The following PREP variants were observed in gnomAD, a reference collection of about 807,000 sequenced individuals.
The protein encoded by PREP is dJ355L5.1 (prolyl endopeptidase).
In PREP, 29 loss-of-function variants were observed where a neutral mutation model predicts 87.6. That is an observed-to-expected ratio of 0.33 (90% CI 0.25 to 0.45). PREP has a LOEUF of 0.45. PREP is among the 20% of genes least tolerant of loss of function. The pLI is 1.00. For synonymous variants in PREP, 337 were observed against 328.6 expected, an observed-to-expected ratio of 1.03 and a Z score of -0.28; for missense variants, 695 against 886.5, an observed-to-expected ratio of 0.78 and a Z score of 2.74.
intron 7 of PREP, among the ~76,000 whole-genome samples, chr6:105,338,324 A>G (rs1033986430): frequency 1.3e-5 from 2 of 152,260 alleles, no homozygotes; most frequent in Non-Finnish European, 2.9e-5. Flanking sequence ...AGTATGCACC[A>G]AAGGCAAAGC....
chr6:105,388,804 T>G (rs544969006), intron 2 of PREP, among the ~76,000 whole-genome samples: 3 of 152,288 alleles, frequency 2.0e-5, no homozygotes, highest in African/African-American at 7.2e-5. Context: ...TCCAGGCCCA[T>G]ATATGGGACA....
chr6:105,375,503 T>C (rs1041662882), intron 4 of PREP, among the ~76,000 whole-genome samples: 37 of 152,208 alleles, frequency 2.4e-4, no homozygotes, highest in Non-Finnish European at 3.4e-4. Flanking sequence ...CTCTATGGCC[T>C]ACGGAGGAGG....
intron 10 of PREP, among the ~76,000 whole-genome samples, chr6:105,304,380 A>G (rs148663515): frequency 6.6e-6 from 1 of 152,312 alleles, no homozygotes; most frequent in East Asian, 1.9e-4. Context: ...CCCACTTTTC[A>G]GCTGGGGTCA....
chr6:105,345,024 A>G (rs1771760497), intron 7 of PREP, among the ~76,000 whole-genome samples: 2 of 152,230 alleles, frequency 1.3e-5, no homozygotes. Flanking sequence ...AAAATAGTCC[A>G]AAGTATAGGC....
chr6:105,390,528 T>A (rs1384225500), intron 2 of PREP, among the ~76,000 whole-genome samples: 3 of 152,204 alleles, frequency 2.0e-5, no homozygotes, highest in Admixed American at 2.0e-4. Context: ...CCAGGACAGT[T>A]CTGTGAAAGC....
At chr6:105,397,233 C>G (rs1194537975) in intron 2 of PREP, among the ~76,000 whole-genome samples, 1 of 150,502 alleles carries the variant, frequency 6.6e-6, no homozygotes, top group Non-Finnish European at 1.5e-5. Context: ...CTAGGCACTC[C>G]AAAAAGGGAA....
rs141737006 is a variant in PREP at position 105,323,714 on chromosome 6, C to T, written c.1268G>A (p.Arg423Gln). 16 of 1,613,786 alleles carry T rather than the reference C, an allele frequency of 9.9e-6. No individual in the cohort carries two copies. The highest frequency in any genetic ancestry group is 8.3e-5 in the Admixed American group (5 of 60,020). Residue 423 changes from arginine to glutamine, a missense_variant, in exon 10 of 15, where the codon CGA (arginine) becomes CAA (glutamine). Coordinates refer to ENST00000652536, the MANE Select transcript of PREP (RefSeq NM_002726.5). ...ATCAATTCCTTTTACGGTCACCTCT[C>T]GGAAAACTCTTGGCTCCAGCTCCTC... The part of the protein sequence containing the change: ...TKEELEPRVF[R>Q]EVTVKGIDAS...
At chr6:105,330,829 T>C (rs2114655699) in intron 8 of PREP, among the ~76,000 whole-genome samples, 1 of 152,336 alleles carries the variant, frequency 6.6e-6, no homozygotes, top group African/African-American at 2.4e-5. Context: ...GAGATTAGTA[T>C]GGCAAACTTT....
chr6:105,376,570 T>C (rs553897495), intron 3 of PREP, among the ~76,000 whole-genome samples: 31 of 152,346 alleles, frequency 2.0e-4, no homozygotes, highest in African/African-American at 7.2e-4. Flanking sequence ...CTTTTTCTTT[T>C]AAATGAAGAA....
At position 105,358,387 on chromosome 6, in the gene PREP, A is replaced by G. The variant is rs549665707; in HGVS notation, c.718-5310T>C. Reference sequence around the variant, plus strand: ...CAAAGTCACCTGTTGAATTATATTTAGAGTACTGATTAAATATAATTAGAA... The same window carrying G: ...CAAAGTCACCTGTTGAATTATATTTGGAGTACTGATTAAATATAATTAGAA... On this transcript the variant is annotated intron_variant, in intron 6 of 14. Coordinates refer to ENST00000652536, the MANE Select transcript of PREP (RefSeq NM_002726.5). Among the ~76,000 whole-genome samples the G allele has an allele frequency of 3.9e-5, 6 of 152,332 alleles. No individual in the cohort carries two copies. In the East Asian group the frequency reaches 1.2e-3, roughly 29 times the overall value.
At chr6:105,387,079 G>A (rs1353706964) in intron 2 of PREP, among the ~76,000 whole-genome samples, 4 of 152,148 alleles carry the variant, frequency 2.6e-5, no homozygotes, top group African/African-American at 9.7e-5. Flanking sequence ...CAGGTGTGGA[G>A]GCGGATGCCT....
chr6:105,310,924 T>C (rs978092258), intron 10 of PREP, among the ~76,000 whole-genome samples: 4 of 152,162 alleles, frequency 2.6e-5, no homozygotes, highest in East Asian at 1.9e-4. Flanking sequence ...CCTAATCTCA[T>C]CCTACACAAC....
intron 1 of PREP, among the ~76,000 whole-genome samples, chr6:105,399,786 T>C (rs1773377636): frequency 1.3e-5 from 2 of 152,206 alleles, no homozygotes; most frequent in African/African-American, 2.4e-5. Flanking sequence ...CATGCACTTC[T>C]AGGAGCAACA....
chr6:105,306,094 C>T lies in PREP; in HGVS notation c.1318-17200G>A, dbSNP rs190674484. ...CTGGGCTCAAGTGATCCTCCTGCCT[C>T]GGCCTCCCAATGTGCTGGGATTACA... is the stretch of plus-strand genomic sequence containing the variant. On this transcript the variant is annotated intron_variant, in intron 10 of 14. Transcript: ENST00000652536. Among the ~76,000 whole-genome samples the T allele has an allele frequency of 2.5e-4, 38 of 152,266 alleles. No individual in the cohort carries two copies. In the East Asian group the frequency reaches 5.8e-3, roughly 23 times the overall value.
chr6:105,333,796 G>A (rs950798931), intron 7 of PREP, among the ~76,000 whole-genome samples: 1 of 152,096 alleles, frequency 6.6e-6, no homozygotes, highest in South Asian at 2.1e-4. Flanking sequence ...TCAAATCTGG[G>A]CACTTCTCTC....
Position 105,361,054 on chromosome 6 carries a change from T to C in PREP, c.717+7849A>G, listed in dbSNP as rs79412242. ...AATATGGAATTCTCTGGAAAATGGG[T>C]ATATATTTTAAACAATAAACCTATA... On this transcript the variant is annotated intron_variant, in intron 6 of 14. Transcript: ENST00000652536. Among the ~76,000 whole-genome samples, 533 of 152,298 alleles carry C rather than the reference T, an allele frequency of 3.5e-3. 28 individuals carry two copies. In the East Asian group the frequency reaches 0.092, roughly 26 times the overall value.
chr6:105,380,403 T>C (rs1772806722), intron 2 of PREP, among the ~76,000 whole-genome samples: 1 of 152,188 alleles, frequency 6.6e-6, no homozygotes, highest in South Asian at 2.1e-4. Context: ...TGTTTCGATC[T>C]CTCATCGAAG....
At chr6:105,284,318 C>T (rs1274491998) in intron 12 of PREP, among the ~76,000 whole-genome samples, 2 of 152,134 alleles carry the variant, frequency 1.3e-5, no homozygotes, top group African/African-American at 4.8e-5. Flanking sequence ...CCCTGGGGTG[C>T]ATGCTGGATG....
At chr6:105,329,566 G>T (rs1771266372) in intron 8 of PREP, among the ~76,000 whole-genome samples, 1 of 152,188 alleles carries the variant, frequency 6.6e-6, no homozygotes, top group Non-Finnish European at 1.5e-5. Flanking sequence ...TGATGACCTA[G>T]ATAATGTGTG....
Sources: gnomAD v4.1 joint callset for allele counts (sites outside exome capture counted in the v4.1 genomes callset) on GRCh38, gnomAD v4.1.1 for gene constraint, MANE v1.5 for transcripts, NCBI Gene and HGNC (gene_info 2026-07-23, HGNC 2026-07-21) for gene names.